Variants in TRAPPC9 observed in about 807,000 individuals in gnomAD.
TRAPPC9 encodes trafficking protein particle complex subunit 9.
TRAPPC9 carries 83 observed loss-of-function variants against 124.0 expected under a neutral mutation model. The observed-to-expected ratio is 0.67, with a 90% CI of 0.56 to 0.80. TRAPPC9 has a LOEUF of 0.80. Ranked by LOEUF, TRAPPC9 falls within the 30% of genes least tolerant of loss-of-function variation. TRAPPC9 has a pLI of 0.00. For synonymous variants in TRAPPC9, 638 were observed against 617.5 expected, an observed-to-expected ratio of 1.03 and a Z score of -0.49; for missense variants, 1,302 against 1,508.3, an observed-to-expected ratio of 0.86 and a Z score of 2.27.
intron 17 of TRAPPC9, among the ~76,000 whole-genome samples, chr8:140,196,024 C>A (rs12674945): frequency 6.3e-4 from 86 of 135,618 alleles, no homozygotes; most frequent in Middle Eastern, 4.1e-3. Flanking sequence ...CACTGTACAG[C>A]TCACACCTGT....
Position 140,407,387 on chromosome 8 carries a change from G to A in TRAPPC9, c.887-1689C>T, listed in dbSNP as rs79849381. Among the ~76,000 whole-genome samples the A allele has an allele frequency of 8.3e-3, 1,249 of 150,360 alleles. 68 individuals carry two copies. Among genetic ancestry groups the A allele is most frequent in the Admixed American group, 0.071 (1,075 of 15,070 alleles). On this transcript the variant is annotated intron_variant, in intron 5 of 22. Coordinates refer to ENST00000438773, the MANE Select transcript of TRAPPC9 (RefSeq NM_001160372.4). Reference sequence around the variant, plus strand: ...TATAATGAATTATCTTCACATTGTTGAGTTTTACTCTCTTTTTTTCCCTTG... The same window carrying A: ...TATAATGAATTATCTTCACATTGTTAAGTTTTACTCTCTTTTTTTCCCTTG...
chr8:139,754,692 C>T (rs953372740), intron 21 of TRAPPC9, among the ~76,000 whole-genome samples: 1 of 152,230 alleles, frequency 6.6e-6, no homozygotes, highest in Non-Finnish European at 1.5e-5. Context: ...CTCTCCTTCC[C>T]ACCGTGCTGA....
intron 21 of TRAPPC9, among the ~76,000 whole-genome samples, chr8:139,773,244 C>T (rs938358635): frequency 1.3e-5 from 2 of 152,334 alleles, no homozygotes; most frequent in Admixed American, 6.5e-5. Flanking sequence ...CTCCTCGTGC[C>T]GATGGCTCTA....
chr8:139,997,467 CCACACAGGGGAGACAATGCATT>C (rs1339689452), intron 18 of TRAPPC9, among the ~76,000 whole-genome samples: 1 of 78,468 alleles, frequency 1.3e-5, no homozygotes, highest in Non-Finnish European at 3.7e-5. Context: ...ACAATATATC[CCACACAGGGGAGACAATGCATT>C]CCACACAGGG....
intron 21 of TRAPPC9, among the ~76,000 whole-genome samples, chr8:139,832,044 G>A (rs1405318250): frequency 6.6e-6 from 1 of 152,132 alleles, no homozygotes; most frequent in Non-Finnish European, 1.5e-5. Flanking sequence ...TGCTCATAGC[G>A]AGCACCTACC....
At chr8:140,120,904 T>TCATC (rs554961692) in intron 17 of TRAPPC9, among the ~76,000 whole-genome samples, 3,254 of 151,842 alleles carry the variant, frequency 0.021, 110 homozygotes, top group African/African-American at 0.073. Flanking sequence ...ATTCATTCAT[T>TCATC]CATCCATCCA....
At chr8:140,447,368 A>G (rs1473225663) in intron 2 of TRAPPC9, among the ~76,000 whole-genome samples, 1 of 152,212 alleles carries the variant, frequency 6.6e-6, no homozygotes, top group African/African-American at 2.4e-5. Context: ...TAAAGCAGTG[A>G]AGGCTATGAG....
At position 139,932,208 on chromosome 8, in the gene TRAPPC9, C is replaced by T. The variant is rs183129065; in HGVS notation, c.2811-21908G>A. The T allele has an allele frequency of 1.6e-3, 652 of 412,746 alleles. 3 individuals are homozygous for T. The highest frequency in any genetic ancestry group is 0.011 in the African/African-American group (560 of 49,422). 25.6% of individuals were successfully genotyped at this position (412,746 alleles called of 1,614,324 possible). A position where few individuals can be genotyped will look rare whatever the true frequency, so the allele number is the denominator to read the frequency against. On this transcript the variant is annotated intron_variant, in intron 19 of 22. Transcript: ENST00000438773. Reference sequence around the variant, plus strand: ...AAGGAGAAACCAGCCAGGCAGGCCCCGCAGGCAGCCCACAGAGCCACTTCG... The same window carrying T: ...AAGGAGAAACCAGCCAGGCAGGCCCTGCAGGCAGCCCACAGAGCCACTTCG...
chr8:140,272,034 ATGG>A (rs2064908004), intron 15 of TRAPPC9, among the ~76,000 whole-genome samples: 2 of 142,164 alleles, frequency 1.4e-5, no homozygotes, highest in South Asian at 4.5e-4. Context: ...GGCAGTGGTA[ATGG>A]TGGTGGTTGT....
chr8:140,328,929 G>GGCC (rs2066817118), intron 9 of TRAPPC9, among the ~76,000 whole-genome samples: 1 of 152,110 alleles, frequency 6.6e-6, no homozygotes, highest in South Asian at 2.1e-4. Context: ...GAGAGCCACT[G>GGCC]GCCGAGACAG....
intron 17 of TRAPPC9, among the ~76,000 whole-genome samples, chr8:140,144,966 C>T (rs1490124324): frequency 1.3e-5 from 2 of 152,026 alleles, no homozygotes; most frequent in African/African-American, 2.4e-5. Context: ...CTCTGCCTCA[C>T]GGGTTCATGT....
intron 19 of TRAPPC9, among the ~76,000 whole-genome samples, chr8:139,958,107 G>A (rs1023043370): frequency 6.6e-6 from 1 of 152,190 alleles, no homozygotes; most frequent in Non-Finnish European, 1.5e-5. Context: ...GGGGACTTGG[G>A]CTGAAAGGAC....
Position 140,446,273 on chromosome 8 carries a change from G to A in TRAPPC9, c.584+4517C>T, listed in dbSNP as rs537071193. 4.4e-4 allele frequency among the ~76,000 whole-genome samples: 59 copies of A among 135,016 alleles called. 1 individual carries two copies. In the Middle Eastern group the frequency reaches 0.026, roughly 59 times the overall value. 88.6% of individuals were successfully genotyped at this position (135,016 alleles called of 152,430 possible). On this transcript the variant is annotated intron_variant, in intron 2 of 22. Transcript: ENST00000438773. Reference sequence around the variant, plus strand: ...CGCGCCACTGCACTCCAGCCTGGGCGAAAGAGTAAGACTCTGTCTCAAAAA... The same window carrying A: ...CGCGCCACTGCACTCCAGCCTGGGCAAAAGAGTAAGACTCTGTCTCAAAAA...
intron 21 of TRAPPC9, among the ~76,000 whole-genome samples, chr8:139,885,652 T>C (rs1829958372): frequency 6.6e-6 from 1 of 152,224 alleles, no homozygotes; most frequent in Non-Finnish European, 1.5e-5. Flanking sequence ...ATGTCTGCAC[T>C]GTCACCGGAG....
chr8:139,790,680 G>T (rs2130599709), intron 21 of TRAPPC9, among the ~76,000 whole-genome samples: 1 of 152,338 alleles, frequency 6.6e-6, no homozygotes, highest in East Asian at 1.9e-4. Context: ...GCACAGGACA[G>T]CCCCACGGCA....
intron 17 of TRAPPC9, among the ~76,000 whole-genome samples, chr8:140,067,395 G>A (rs1407666337): frequency 1.3e-5 from 2 of 152,022 alleles, no homozygotes; most frequent in East Asian, 1.9e-4. Context: ...TGTCTGCCTC[G>A]GCCTCCCAAA....
chr8:140,290,330 C>A (rs544194343), intron 12 of TRAPPC9, among the ~76,000 whole-genome samples: 1 of 152,316 alleles, frequency 6.6e-6, no homozygotes, highest in South Asian at 2.1e-4. Flanking sequence ...ACAGCAGCAC[C>A]ACACAGCAAT....
intron 17 of TRAPPC9, among the ~76,000 whole-genome samples, chr8:140,199,829 A>C (rs73364919): frequency 0.13 from 19,866 of 152,230 alleles, 1,437 homozygotes; most frequent in Middle Eastern, 0.19. Context: ...AGAATGCAAA[A>C]ATAAGTATTA....
intron 15 of TRAPPC9, 117 bp downstream of exon 15, chr8:140,275,541 T>C (rs974132224): frequency 8.4e-7 from 1 of 1,196,652 alleles, no homozygotes; most frequent in Non-Finnish European, 1.2e-6. Context: ...TTCTACTGAC[T>C]TCAACTGAAT....
Sources: gnomAD v4.1 joint callset for allele counts (sites outside exome capture counted in the v4.1 genomes callset) on GRCh38, gnomAD v4.1.1 for gene constraint, MANE v1.5 for transcripts, NCBI Gene and HGNC (gene_info 2026-07-23, HGNC 2026-07-21) for gene names.